The following PTPRK variants were observed in gnomAD, a reference collection of about 807,000 sequenced individuals.
PTPRK encodes protein tyrosine phosphatase receptor type K, also known as receptor-type tyrosine-protein phosphatase kappa.
A neutral mutation model predicts 178.0 loss-of-function variants in PTPRK; 75 were observed. The observed-to-expected ratio is 0.42, with a 90% CI of 0.35 to 0.51. The LOEUF is 0.51. Ranked by LOEUF, PTPRK falls within the 20% of genes least tolerant of loss-of-function variation. PTPRK has a pLI of 0.02. For synonymous variants in PTPRK, 637 were observed against 620.6 expected, an observed-to-expected ratio of 1.03 and a Z score of -0.39; for missense variants, 1,441 against 1,797.8, an observed-to-expected ratio of 0.80 and a Z score of 3.59.
At chr6:128,220,633 C>A (rs1583546343) in intron 5 of PTPRK, among the ~76,000 whole-genome samples, 1 of 152,086 alleles carries the variant, frequency 6.6e-6, no homozygotes, top group Non-Finnish European at 1.5e-5. Flanking sequence ...CAGGACCCGG[C>A]AATTCTACTT....
chr6:128,312,857 C>G (rs1374789088), intron 3 of PTPRK, among the ~76,000 whole-genome samples: 3 of 151,890 alleles, frequency 2.0e-5, no homozygotes, highest in Admixed American at 6.6e-5. Flanking sequence ...TTCAGTTCAC[C>G]AAAGTTCTGA....
At chr6:128,338,859 T>C (rs920581252) in intron 2 of PTPRK, among the ~76,000 whole-genome samples, 1 of 122,268 alleles carries the variant, frequency 8.2e-6, no homozygotes, top group African/African-American at 3.1e-5. Flanking sequence ...TCACCAAATA[T>C]AGGAAAAACT....
chr6:128,340,195 T>C (rs11961948), intron 2 of PTPRK, among the ~76,000 whole-genome samples: 2,086 of 152,340 alleles, frequency 0.014, 51 homozygotes, highest in African/African-American at 0.046. Context: ...TAAGTCACTT[T>C]GTCTAAGTGT....
chr6:128,390,956 C>A (rs1839466823), intron 2 of PTPRK, among the ~76,000 whole-genome samples: 1 of 151,982 alleles, frequency 6.6e-6, no homozygotes, highest in Admixed American at 6.6e-5. Flanking sequence ...CCCTTTGGAG[C>A]CATATGTCTC....
chr6:128,011,949 C>T (rs773414315), intron 13 of PTPRK, among the ~76,000 whole-genome samples: 6 of 150,870 alleles, frequency 4.0e-5, no homozygotes, highest in Non-Finnish European at 8.9e-5. Context: ...TTCACATTTA[C>T]CAAGTGGTTA....
intron 7 of PTPRK, among the ~76,000 whole-genome samples, chr6:128,094,661 C>T (rs745954524): frequency 5.3e-5 from 8 of 151,944 alleles, no homozygotes; most frequent in Admixed American, 2.6e-4. Flanking sequence ...TGACAATGTC[C>T]CTAGCTGGGA....
At chr6:128,160,490 C>T (rs975372517) in intron 7 of PTPRK, among the ~76,000 whole-genome samples, 10 of 151,546 alleles carry the variant, frequency 6.6e-5, no homozygotes, top group Non-Finnish European at 8.9e-5. Flanking sequence ...GAAATTTTGC[C>T]CTAAGAGAGA....
At chr6:128,225,692 GTTA>G (rs780506492) in intron 5 of PTPRK, among the ~76,000 whole-genome samples, 41 of 151,762 alleles carry the variant, frequency 2.7e-4, no homozygotes, top group Non-Finnish European at 5.3e-4. Context: ...AAAATACTAT[GTTA>G]TTATTTTGAG....
intron 1 of PTPRK, among the ~76,000 whole-genome samples, chr6:128,436,179 C>A (rs982471207): frequency 6.6e-6 from 1 of 151,956 alleles, no homozygotes; most frequent in Non-Finnish European, 1.5e-5. Flanking sequence ...TCAAGATAGT[C>A]CCCAAAAGAC....
chr6:128,298,410 G>T (rs1422782714), intron 3 of PTPRK, among the ~76,000 whole-genome samples: 3 of 150,480 alleles, frequency 2.0e-5, no homozygotes, highest in African/African-American at 7.5e-5. Flanking sequence ...ACCAAAGCCG[G>T]GCAGAGACAC....
At chr6:128,353,311 T>A (rs1294855052) in intron 2 of PTPRK, among the ~76,000 whole-genome samples, 3 of 152,216 alleles carry the variant, frequency 2.0e-5, no homozygotes, top group Non-Finnish European at 1.5e-5. Flanking sequence ...TGACAGTATT[T>A]TATGAAACTA....
chr6:128,245,166 A>T (rs770799638), intron 3 of PTPRK, among the ~76,000 whole-genome samples: 1 of 152,178 alleles, frequency 6.6e-6, no homozygotes, highest in Non-Finnish European at 1.5e-5. Context: ...AAAGTAATTG[A>T]ACCAAGGCAC....
intron 7 of PTPRK, among the ~76,000 whole-genome samples, chr6:128,107,663 T>C (rs1021875478): frequency 3.3e-5 from 5 of 152,356 alleles, no homozygotes; most frequent in Admixed American, 1.3e-4. Context: ...TTAAGTTACA[T>C]ACATACTATG....
chr6:128,483,897 T>C (rs550718832), intron 1 of PTPRK, among the ~76,000 whole-genome samples: 2 of 152,124 alleles, frequency 1.3e-5, no homozygotes, highest in African/African-American at 4.8e-5. Flanking sequence ...GATGATATCT[T>C]TTTATGAAAA....
chr6:127,970,367 A>T, intron 29 of PTPRK, 87 bp from the exon 30 acceptor site: 1 of 992,834 alleles, frequency 1.0e-6, no homozygotes, highest in Non-Finnish European at 1.5e-6. Context: ...CTTGACAACC[A>T]ATTTAGATTA....
chr6:128,116,270 A>C (rs1791511758), intron 7 of PTPRK, among the ~76,000 whole-genome samples: 1 of 152,092 alleles, frequency 6.6e-6, no homozygotes, highest in Non-Finnish European at 1.5e-5. Flanking sequence ...TATGCTTCTT[A>C]TCTTTATTTA....
chr6:128,318,660 C>T (rs946370740), intron 3 of PTPRK, among the ~76,000 whole-genome samples: 2 of 152,142 alleles, frequency 1.3e-5, no homozygotes, highest in African/African-American at 4.8e-5. Flanking sequence ...CATACGTCTG[C>T]CTGCCTCATT....
chr6:128,010,985 T>C (rs1583632609), intron 13 of PTPRK, among the ~76,000 whole-genome samples: 1 of 151,208 alleles, frequency 6.6e-6, no homozygotes, highest in East Asian at 1.9e-4. Context: ...CCAAAACATG[T>C]AGTAAATATG....
rs566486490 is a variant in PTPRK, at chr6:128,077,963, G to A, written c.1883+850C>T. Reference sequence around the variant, plus strand: ...AATTCGGGAATTAAAAGGTCAAAAAGGCTTCATGTGTTCTAACTATTCTGC... The same window carrying A: ...AATTCGGGAATTAAAAGGTCAAAAAAGCTTCATGTGTTCTAACTATTCTGC... On this transcript the variant is annotated intron_variant, in intron 11 of 29. Coordinates refer to ENST00000368226, the MANE Select transcript of PTPRK (RefSeq NM_002844.4). 1.6e-4 allele frequency among the ~76,000 whole-genome samples: 25 copies of A among 152,060 alleles called. No individual in the cohort carries two copies. In the South Asian group the frequency reaches 5.0e-3, roughly 30 times the overall value.
Sources: allele counts gnomAD v4.1 joint callset (sites outside exome capture counted in the v4.1 genomes callset), GRCh38; gene constraint gnomAD v4.1.1; transcripts MANE v1.5; gene names NCBI Gene and HGNC (gene_info 2026-07-23, HGNC 2026-07-21).